Variants in SPOCK1 observed in about 807,000 individuals in gnomAD.
The protein encoded by SPOCK1 is testican-1.
SPOCK1 carries 23 observed loss-of-function variants against 55.3 expected under a neutral mutation model. That is an observed-to-expected ratio of 0.42 (90% CI 0.30 to 0.59). The LOEUF (loss-of-function observed/expected upper bound fraction) is 0.59. Among genes scored for constraint, SPOCK1 ranks in the 20% least tolerant of loss-of-function variants. The probability of loss-of-function intolerance (pLI) is 0.22; values close to 1 mark genes in which losing one functional copy is unlikely to be tolerated. For missense variants in SPOCK1, 499 were observed against 552.5 expected (o/e 0.90, Z 0.97); for synonymous variants, 226 against 221.0 (o/e 1.02, Z -0.20).
intron 4 of SPOCK1, among the ~76,000 whole-genome samples, chr5:137,127,621 A>G (rs2905974): frequency 0.9 from 136,577 of 152,326 alleles, 61,299 homozygotes; most frequent in African/African-American, 0.93. Context: ...TGAATGTTAA[A>G]GTTTACTACT....
chr5:137,241,842 T>C (rs1261510275), intron 3 of SPOCK1, among the ~76,000 whole-genome samples: 2 of 152,240 alleles, frequency 1.3e-5, no homozygotes, highest in African/African-American at 4.8e-5. Context: ...TTGACCATTA[T>C]GGAATGGGGA....
chr5:137,042,015 C>A lies in SPOCK1; in HGVS notation c.589+25700G>T, dbSNP rs577188066. Reference sequence around the variant, plus strand: ...AGTTGAACTCAAATGTTTATATCACCTTTATTCATAAACACCAAAACTGGA... The same window carrying A: ...AGTTGAACTCAAATGTTTATATCACATTTATTCATAAACACCAAAACTGGA... On this transcript the variant is annotated intron_variant, in intron 6 of 10. Coordinates refer to ENST00000394945, the MANE Select transcript of SPOCK1 (RefSeq NM_004598.4). Among the ~76,000 whole-genome samples, 14 of 152,174 alleles carry A rather than the reference C, an allele frequency of 9.2e-5. No individual in the cohort carries two copies. In the East Asian group the frequency reaches 2.7e-3, roughly 29 times the overall value.
intron 6 of SPOCK1, among the ~76,000 whole-genome samples, chr5:137,062,361 C>T (rs1031077163): frequency 1.3e-5 from 2 of 151,920 alleles, no homozygotes; most frequent in African/African-American, 4.8e-5. Flanking sequence ...CTGCTATGCT[C>T]AGGCCAGAAG....
intron 2 of SPOCK1, among the ~76,000 whole-genome samples, chr5:137,362,059 G>A (rs969632485): frequency 4.6e-5 from 7 of 152,102 alleles, no homozygotes; most frequent in Admixed American, 1.3e-4. Context: ...CCAAAACTAC[G>A]AGGGATCAAG....
chr5:137,288,928 C>T (rs1034566073), intron 2 of SPOCK1, among the ~76,000 whole-genome samples: 13 of 152,280 alleles, frequency 8.5e-5, no homozygotes, highest in Admixed American at 1.3e-4. Flanking sequence ...GCAGAAAGCT[C>T]GAAATGTGGT....
intron 5 of SPOCK1, among the ~76,000 whole-genome samples, chr5:137,102,380 C>G (rs1753287729): frequency 6.6e-6 from 1 of 152,056 alleles, no homozygotes; most frequent in South Asian, 2.1e-4. Context: ...ATTAAAATCC[C>G]TATTCTCTGC....
Position 137,498,522 on chromosome 5 carries a change from C to A in SPOCK1, c.37G>T (p.Ala13Ser). The change falls in exon 2 of 11, where the codon GCG (alanine) becomes TCG (serine). Residue 13 changes from alanine to serine, a missense_variant. Ala to Ser is a moderately conservative substitution (Grantham distance 99). Coordinates refer to ENST00000394945, the MANE Select transcript of SPOCK1 (RefSeq NM_004598.4). The stretch of plus-strand genomic sequence containing the variant: ...CTCTCGACTTGGAGGAAGCACCACG[C>A]CGCGGCGGCCGCCGCCAACACCGCG... ...AIAVLAAAAA[A>S]WCFLQVESRH... is the part of the protein sequence containing the mutation. The A allele has an allele frequency of 6.5e-7, 1 of 1,548,146 alleles. No homozygotes were observed. Among genetic ancestry groups the A allele is most frequent in the Non-Finnish European group, 8.7e-7 (1 of 1,154,114 alleles).
chr5:137,251,221 C>T (rs183945958), intron 3 of SPOCK1, among the ~76,000 whole-genome samples: 2 of 152,300 alleles, frequency 1.3e-5, no homozygotes, highest in African/African-American at 2.4e-5. Context: ...CCACTGAAAA[C>T]GTAAAGTCCT....
At chr5:137,217,184 A>T (rs996179016) in intron 3 of SPOCK1, among the ~76,000 whole-genome samples, 2 of 152,244 alleles carry the variant, frequency 1.3e-5, no homozygotes, top group Non-Finnish European at 2.9e-5. Context: ...CTTTTCAAAC[A>T]TAATGAATAA....
chr5:137,438,065 A>G (rs1346854476), intron 2 of SPOCK1, among the ~76,000 whole-genome samples: 1 of 152,138 alleles, frequency 6.6e-6, no homozygotes, highest in Non-Finnish European at 1.5e-5. Context: ...CCCAAGGTTT[A>G]TCCATGTTTT....
At chr5:137,160,606 T>TTATATAA (rs1754525523) in intron 3 of SPOCK1, among the ~76,000 whole-genome samples, 3 of 60,372 alleles carry the variant, frequency 5.0e-5, no homozygotes, top group East Asian at 1.2e-3. Flanking sequence ...ATATTATATA[T>TTATATAA]AATATATAAT....
In SPOCK1 at chr5:137,104,114, AT is replaced by A. The variant is rs200452439; in HGVS notation, c.474+8320del. Among the ~76,000 whole-genome samples, 1,090 of 152,308 alleles carry A rather than the reference AT, an allele frequency of 7.2e-3. 13 individuals carry two copies. The highest frequency in any genetic ancestry group is 0.024 in the African/African-American group (1,000 of 41,566). The stretch of plus-strand genomic sequence containing the variant: ...TGTTCCCACCCAAATCTCCTGTTGA[AT>A]TGTAATCCCCAGTGTTGGAGGTGGG... On this transcript the variant is annotated intron_variant, in intron 5 of 10. Transcript: ENST00000394945.
chr5:137,133,714 G>A (rs964061904), intron 4 of SPOCK1, among the ~76,000 whole-genome samples: 9 of 152,154 alleles, frequency 5.9e-5, no homozygotes, highest in South Asian at 2.1e-4. Context: ...AGAGAGAGGC[G>A]ATTGTGGGTT....
intron 3 of SPOCK1, among the ~76,000 whole-genome samples, chr5:137,247,070 CA>C (rs1221176270): frequency 6.6e-6 from 1 of 152,102 alleles, no homozygotes; most frequent in Non-Finnish European, 1.5e-5. Context: ...ACTCAACCTG[CA>C]AAACTGTCTG....
intron 5 of SPOCK1, among the ~76,000 whole-genome samples, chr5:137,098,689 A>G (rs1488544299): frequency 6.6e-6 from 1 of 152,224 alleles, no homozygotes; most frequent in African/African-American, 2.4e-5. Context: ...CATCAGTCTC[A>G]GAGGCCATGT....
At chr5:137,237,919 T>C (rs1189363593) in intron 3 of SPOCK1, among the ~76,000 whole-genome samples, 1 of 152,202 alleles carries the variant, frequency 6.6e-6, no homozygotes, top group East Asian at 1.9e-4. Context: ...GAAATAGGTT[T>C]TTTTAACCTC....
At chr5:137,498,739 G>A (rs1754365984) in intron 1 of SPOCK1, 181 bp from the exon 2 acceptor site, 4 of 304,232 alleles carry the variant, frequency 1.3e-5, no homozygotes, top group African/African-American at 2.2e-5. Context: ...ACGAATGGGG[G>A]ACTCATCTAC....
intron 5 of SPOCK1, among the ~76,000 whole-genome samples, chr5:137,077,713 T>C (rs1207805749): frequency 6.6e-6 from 1 of 152,084 alleles, no homozygotes; most frequent in Non-Finnish European, 1.5e-5. Context: ...TCATCAGAGC[T>C]CTCCCAAGCA....
At chr5:137,459,778 C>G (rs1048818095) in intron 2 of SPOCK1, among the ~76,000 whole-genome samples, 2 of 152,130 alleles carry the variant, frequency 1.3e-5, no homozygotes, top group African/African-American at 4.8e-5. Context: ...GAGGCCATTA[C>G]AGACAAAGAC....
Sources: allele counts gnomAD v4.1 joint callset (sites outside exome capture counted in the v4.1 genomes callset), GRCh38; gene constraint gnomAD v4.1.1; transcripts MANE v1.5; gene names NCBI Gene and HGNC (gene_info 2026-07-23, HGNC 2026-07-21).